The following PTCD2 variants were observed in gnomAD, a reference collection of about 807,000 sequenced individuals.
The protein encoded by PTCD2 is pentatricopeptide repeat-containing protein 2, mitochondrial.
PTCD2 carries 31 observed loss-of-function variants against 42.6 expected under a neutral mutation model. The observed-to-expected ratio is 0.73, with a 90% CI of 0.55 to 0.98. PTCD2 has a LOEUF of 0.98. Among genes scored for constraint, PTCD2 ranks in the 50% least tolerant of loss-of-function variants. PTCD2 has a pLI of 0.00. For synonymous variants in PTCD2, 183 were observed against 170.9 expected (o/e 1.07, Z -0.55); for missense variants, 476 against 454.8 (o/e 1.05, Z -0.42).
intron 2 of PTCD2, among the ~76,000 whole-genome samples, chr5:72,325,576 T>TA (rs1751094194): frequency 6.6e-6 from 1 of 152,328 alleles, no homozygotes; most frequent in Middle Eastern, 3.4e-3. Flanking sequence ...CTTTAACTGT[T>TA]ACATGGTTCT....
chr5:72,326,355 C>T (rs761937421), intron 2 of PTCD2, among the ~76,000 whole-genome samples: 4 of 152,218 alleles, frequency 2.6e-5, no homozygotes, highest in Non-Finnish European at 5.9e-5. Context: ...TTCTTGAGCT[C>T]TTACCCCACA....
chr5:72,338,655 T>C lies in PTCD2; in HGVS notation c.673T>C (p.Leu225=), dbSNP rs975555256. 1.9e-6 allele frequency: 3 copies of C among 1,611,280 alleles called. No individual in the cohort carries two copies. Among genetic ancestry groups the C allele is most frequent in the Non-Finnish European group, 2.5e-6 (3 of 1,177,656 alleles). ...SPESFKICTT[L]REEALLKGEI... is the part of the protein sequence containing the mutation. ...TGAGTCTTTCAAAATCTGTACTACA[T>C]TAAGAGAAGAAGCTCTACTCAAAGG... is the stretch of plus-strand genomic sequence containing the variant. Residue 225 remains leucine, a synonymous_variant, in exon 7 of 10, where the codon TTA becomes CTA. Coordinates refer to ENST00000380639, the MANE Select transcript of PTCD2 (RefSeq NM_024754.5).
In PTCD2 at chr5:72,366,341, G is replaced by A. The variant is rs1753205236; in HGVS notation, c.*7914G>A. 6.6e-6 allele frequency: 1 copy of A among 152,200 alleles called. No homozygotes were observed. 9.4% of individuals were successfully genotyped at this position (152,200 alleles called of 1,614,324 possible). A position where few individuals can be genotyped will look rare whatever the true frequency, so the allele number is the denominator to read the frequency against. ...CCATTTCTCAGATAAAGAAACTGAA[G>A]CTCAGAGACGTTTAGTTGCTTGCCT... is the stretch of plus-strand genomic sequence containing the variant. On this transcript the variant is annotated 3_prime_UTR_variant, in exon 10 of 10. Coordinates refer to ENST00000380639, the MANE Select transcript of PTCD2 (RefSeq NM_024754.5).
intron 3 of PTCD2, among the ~76,000 whole-genome samples, chr5:72,328,426 A>T (rs1751257107): frequency 6.6e-6 from 1 of 152,204 alleles, no homozygotes; most frequent in South Asian, 2.1e-4. Flanking sequence ...GGCATGATAG[A>T]GCTGCCCAGA....
At chr5:72,332,157 T>A (rs1751471730) in intron 4 of PTCD2, among the ~76,000 whole-genome samples, 1 of 152,204 alleles carries the variant, frequency 6.6e-6, no homozygotes, top group South Asian at 2.1e-4. Context: ...ACCAGGTACC[T>A]TTTTGTATAT....
At chr5:72,342,039 C>T (rs371796945) in intron 7 of PTCD2, among the ~76,000 whole-genome samples, 125 of 149,960 alleles carry the variant, frequency 8.3e-4, no homozygotes, top group African/African-American at 2.9e-3. Context: ...AGCGAGACTC[C>T]GTCTAAAAAA....
intron 8 of PTCD2, among the ~76,000 whole-genome samples, chr5:72,344,080 AG>A (rs1436680845): frequency 6.6e-6 from 1 of 152,356 alleles, no homozygotes; most frequent in Non-Finnish European, 1.5e-5. Context: ...GTTGGCCGGC[AG>A]GAGCAACGTG....
chr5:72,336,416 G>C (rs1341595127), intron 6 of PTCD2, among the ~76,000 whole-genome samples: 1 of 152,192 alleles, frequency 6.6e-6, no homozygotes, highest in African/African-American at 2.4e-5. Context: ...CTCCACTTGA[G>C]TGTGAGCTCC....
chr5:72,331,300 A>C lies in PTCD2; in HGVS notation c.393A>C (p.Lys131Asn), dbSNP rs772609054. 4 of 1,613,926 alleles carry C rather than the reference A, an allele frequency of 2.5e-6. No individual in the cohort carries two copies. The highest frequency in any genetic ancestry group is 2.5e-6 in the Non-Finnish European group (3 of 1,179,888). ...ENKNFTLGEY[K>N]FGPLFVRLCY... Reference sequence around the variant, plus strand: ...AAAATTTCACTTTGGGGGAGTATAAATTTGGACCGCTTTTTGTGAGGTTGT... The same window carrying C: ...AAAATTTCACTTTGGGGGAGTATAACTTTGGACCGCTTTTTGTGAGGTTGT... Residue 131 changes from lysine to asparagine, a missense_variant, in exon 4 of 10, where the codon AAA becomes AAC. Physicochemically the swap from Lys to Asn is moderately conservative, Grantham distance 94. Coordinates refer to ENST00000380639, the MANE Select transcript of PTCD2 (RefSeq NM_024754.5).
At chr5:72,342,791 G>C (rs1215933492) in intron 7 of PTCD2, among the ~76,000 whole-genome samples, 171 bp from the exon 8 acceptor site, 1 of 152,200 alleles carries the variant, frequency 6.6e-6, no homozygotes, top group African/African-American at 2.4e-5. Flanking sequence ...ATATGCGACT[G>C]GATGGAGAAT....
Position 72,331,343 on chromosome 5 carries a change from G to A in PTCD2, c.436G>A (p.Glu146Lys), listed in dbSNP as rs369549860. Residue 146 changes from glutamate (E) to lysine (K), a missense_variant, in exon 4 of 10, where the codon GAG becomes AAG. By Grantham distance (56) the Glu-to-Lys change is moderately conservative (BLOSUM62 1). Transcript: ENST00000380639. The stretch of plus-strand genomic sequence containing the variant: ...GAGGTTGTGTTACGAGTTGGATCTC[G>A]AGGAATCTGCAGTGGAGCTCATGAA... Reference protein sequence around the residue: ...FVRLCYELDLEESAVELMKDQ... With the variant: ...FVRLCYELDLKESAVELMKDQ... 6.8e-6 allele frequency: 11 copies of A among 1,613,506 alleles called. No homozygotes were observed. Among genetic ancestry groups the A allele is most frequent in the East Asian group, 2.2e-5 (1 of 44,892 alleles).
chr5:72,353,348 G>C (rs1021443353), intron 9 of PTCD2, among the ~76,000 whole-genome samples: 2 of 152,152 alleles, frequency 1.3e-5, no homozygotes, highest in African/African-American at 4.8e-5. Flanking sequence ...TCAGCAAACA[G>C]TAGGATATAG....
rs1431045832 is a variant in PTCD2 at position 72,365,465 on chromosome 5, G to A, written c.*7038G>A. The A allele has an allele frequency of 6.6e-6, 1 of 152,134 alleles. No homozygotes were observed. The highest frequency in any genetic ancestry group is 2.4e-5 in the African/African-American group (1 of 41,418). The allele number at this position is 152,134 out of a possible 1,614,324, so 9.4% of individuals were successfully genotyped here. A position where few individuals can be genotyped will look rare whatever the true frequency, so the allele number is the denominator to read the frequency against. On this transcript the variant is annotated 3_prime_UTR_variant, in exon 10 of 10. Coordinates refer to ENST00000380639, the MANE Select transcript of PTCD2 (RefSeq NM_024754.5). Reference sequence around the variant, plus strand: ...GTTACAATTGACAGCATGAAGGAAGGCATAACCCCTGCAAAGTGACTGCCC... The same window carrying A: ...GTTACAATTGACAGCATGAAGGAAGACATAACCCCTGCAAAGTGACTGCCC...
At chr5:72,355,057 C>T (rs1346494997) in intron 9 of PTCD2, among the ~76,000 whole-genome samples, 2 of 152,140 alleles carry the variant, frequency 1.3e-5, no homozygotes, top group Admixed American at 6.5e-5. Context: ...AAAAACACTA[C>T]GATAAAAAAA....
Position 72,320,424 on chromosome 5 carries a change from T to C in PTCD2, c.42T>C (p.Asn14=). 1 of 1,614,098 alleles carries C rather than the reference T, an allele frequency of 6.2e-7. No individual in the cohort carries two copies. The highest frequency in any genetic ancestry group is 8.5e-7 in the Non-Finnish European group (1 of 1,180,018). Residue 14 remains asparagine, a synonymous_variant, in exon 1 of 10, where the codon AAT becomes AAC. Transcript: ENST00000380639. ...TGGCTGCTGCATTTCGGCCCTCGAA[T>C]CGAGTTCTCCTGCAGGCGCTGCAGA... ...DSMAAAFRPS[N]RVLLQALQIL...
At chr5:72,357,611 T>C (rs2112240061) in intron 9 of PTCD2, among the ~76,000 whole-genome samples, 1 of 152,350 alleles carries the variant, frequency 6.6e-6, no homozygotes, top group Non-Finnish European at 1.5e-5. Flanking sequence ...TGGCCCTGCC[T>C]CCTCCTGCTC....
At chr5:72,357,278 C>G (rs958047021) in intron 9 of PTCD2, among the ~76,000 whole-genome samples, 2 of 152,162 alleles carry the variant, frequency 1.3e-5, no homozygotes, top group Non-Finnish European at 2.9e-5. Flanking sequence ...TATTAAAGCC[C>G]CAATTGAGAA....
rs565701063 is a variant in PTCD2 at position 72,331,836 on chromosome 5, A to G, written c.468+461A>G. On this transcript the variant is annotated intron_variant, in intron 4 of 9. Transcript: ENST00000380639. ...TTTCTGTTCCTAAAAACAAAAGTAAATAATTATTTTTACAGCTACTCATTG... is the reference window on the plus strand; with the variant it reads ...TTTCTGTTCCTAAAAACAAAAGTAAGTAATTATTTTTACAGCTACTCATTG... Among the ~76,000 whole-genome samples, 91 of 152,352 alleles carry G rather than the reference A, an allele frequency of 6.0e-4. 3 individuals are homozygous for G. Among genetic ancestry groups the G allele is most frequent in the Admixed American group, 1.2e-3 (18 of 15,306 alleles).
rs148137720 is a variant in PTCD2 at position 72,324,583 on chromosome 5, A to G, written c.221-2029A>G. Among the ~76,000 whole-genome samples the G allele has an allele frequency of 7.7e-3, 1,177 of 152,120 alleles. 6 individuals carry two copies. The highest frequency in any genetic ancestry group is 0.013 in the Non-Finnish European group (904 of 67,988). On this transcript the variant is annotated intron_variant, in intron 2 of 9. Coordinates refer to ENST00000380639, the MANE Select transcript of PTCD2 (RefSeq NM_024754.5). Reference sequence around the variant, plus strand: ...CACTGGTACCCCTCCACTTTCACCAACCTGGTCTGTTCTGAGTCATAATAG... The same window carrying G: ...CACTGGTACCCCTCCACTTTCACCAGCCTGGTCTGTTCTGAGTCATAATAG...
Sources: allele counts gnomAD v4.1 joint callset (sites outside exome capture counted in the v4.1 genomes callset), GRCh38; gene constraint gnomAD v4.1.1; transcripts MANE v1.5; gene names NCBI Gene and HGNC (gene_info 2026-07-23, HGNC 2026-07-21).